The following LRP1B variants were observed in gnomAD, a reference collection of about 807,000 sequenced individuals.
LRP1B encodes LDL receptor related protein 1B.
Under a neutral mutation model 556.6 loss-of-function variants are expected in LRP1B, and 217 were observed. The observed-to-expected ratio is 0.39, with a 90% CI of 0.35 to 0.44. The LOEUF is 0.44. Ranked by LOEUF, LRP1B falls within the 20% of genes least tolerant of loss-of-function variation. LRP1B has a pLI of 1.00. For missense variants in LRP1B, 5,053 were observed against 5,620.8 expected (o/e 0.90, Z 3.23); for synonymous variants, 2,047 against 1,865.8 (o/e 1.10, Z -2.50).
At chr2:140,796,246 G>A (rs2171170) in intron 32 of LRP1B, among the ~76,000 whole-genome samples, 150,182 of 152,138 alleles carry the variant, frequency 0.99, 74,158 homozygotes, top group Middle Eastern at 1. Flanking sequence ...GAAATAGCTG[G>A]TATGGTTTAA....
At chr2:141,287,181 C>T (rs1383354709) in intron 3 of LRP1B, among the ~76,000 whole-genome samples, 1 of 152,068 alleles carries the variant, frequency 6.6e-6, no homozygotes, top group Non-Finnish European at 1.5e-5. Flanking sequence ...TACTTGTTTT[C>T]AATTTTATTA....
intron 62 of LRP1B, among the ~76,000 whole-genome samples, chr2:140,455,937 C>G (rs186341974): frequency 6.6e-6 from 1 of 152,148 alleles, no homozygotes; most frequent in East Asian, 1.9e-4. Flanking sequence ...AACTACCATA[C>G]AGTAGACAAG....
rs534865623 is a variant in LRP1B, at chr2:142,024,623, T to TTG, written c.82+106024_82+106025insCA. ...CATGTCAATAATCAGCTGAAATGTT[T>TTG]TTTTTTTTTTTTGTATTTGTTTTTG... On this transcript the variant is annotated intron_variant, in intron 1 of 90. Transcript: ENST00000389484. Among the ~76,000 whole-genome samples the TTG allele has an allele frequency of 1.9e-3, 289 of 151,356 alleles. 3 individuals carry two copies. Among genetic ancestry groups the TTG allele is most frequent in the African/African-American group, 6.3e-3 (262 of 41,322 alleles).
intron 3 of LRP1B, among the ~76,000 whole-genome samples, chr2:141,257,350 T>C (rs1168850766): frequency 6.6e-6 from 1 of 152,152 alleles, no homozygotes; most frequent in Admixed American, 6.5e-5. Flanking sequence ...GTGTATTCAC[T>C]CAGTGAGTCA....
In LRP1B at chr2:141,383,027, G is replaced by A. The variant is rs150685189; in HGVS notation, c.343+97369C>T. 5.5e-4 allele frequency among the ~76,000 whole-genome samples: 83 copies of A among 152,168 alleles called. 1 individual carries two copies. The East Asian group carries it at 0.016, about 29-fold the overall frequency. ...TACAGTAGTAACTCATAAAATAATAGCAAGAAAACAATCTGATTTTAAAAT... is the reference window on the plus strand; with the variant it reads ...TACAGTAGTAACTCATAAAATAATAACAAGAAAACAATCTGATTTTAAAAT... On this transcript the variant is annotated intron_variant, in intron 3 of 90. Transcript: ENST00000389484.
intron 79 of LRP1B, among the ~76,000 whole-genome samples, chr2:140,331,619 C>G (rs1680816269): frequency 6.6e-6 from 1 of 151,266 alleles, no homozygotes; most frequent in East Asian, 2.0e-4. Context: ...ATTGGAGCCC[C>G]TGGCTCAGAG....
intron 86 of LRP1B, among the ~76,000 whole-genome samples, chr2:140,265,359 C>CA (rs1204427296): frequency 1.1e-4 from 16 of 151,878 alleles, no homozygotes; most frequent in East Asian, 3.9e-4. Context: ...CAAATAAATG[C>CA]AAAAAAATCT....
chr2:140,620,955 T>A lies in LRP1B; in HGVS notation c.6800-19316A>T, dbSNP rs538266594. Among the ~76,000 whole-genome samples, 708 of 152,252 alleles carry A rather than the reference T, an allele frequency of 4.7e-3. 10 individuals are homozygous for A. Among genetic ancestry groups the A allele is most frequent in the African/African-American group, 0.016 (660 of 41,550 alleles). ...AATAGCATATATATTAAACAGTTGC[T>A]GGGTTTTCTTTCTATATTAAAATTT... is the stretch of plus-strand genomic sequence containing the variant. On this transcript the variant is annotated intron_variant, in intron 41 of 90. Transcript: ENST00000389484.
intron 41 of LRP1B, among the ~76,000 whole-genome samples, chr2:140,654,830 A>G (rs1198830401): frequency 6.6e-6 from 1 of 152,176 alleles, no homozygotes; most frequent in Non-Finnish European, 1.5e-5. Flanking sequence ...CTAAAGAAAC[A>G]TCTGCTCTCC....
At chr2:141,330,747 CTT>C (rs530844983) in intron 3 of LRP1B, among the ~76,000 whole-genome samples, 1,532 of 107,614 alleles carry the variant, frequency 0.014, 12 homozygotes, top group African/African-American at 0.046. Context: ...GGCTAACAAA[CTT>C]TTTTTTTTTT....
At chr2:140,279,097 CTT>C (rs749490127) in intron 84 of LRP1B, among the ~76,000 whole-genome samples, 7 of 151,926 alleles carry the variant, frequency 4.6e-5, no homozygotes, top group Admixed American at 2.0e-4. Flanking sequence ...CACTCTCTCT[CTT>C]TCTCTCTTTC....
chr2:140,980,100 T>A (rs1696723572), intron 18 of LRP1B, among the ~76,000 whole-genome samples: 2 of 150,462 alleles, frequency 1.3e-5, no homozygotes, highest in Non-Finnish European at 3.0e-5. Context: ...CTAGGCCTAT[T>A]AAAAAAAAAG....
At chr2:141,518,945 C>T (rs1332003977) in intron 2 of LRP1B, among the ~76,000 whole-genome samples, 1 of 151,904 alleles carries the variant, frequency 6.6e-6, no homozygotes, top group Non-Finnish European at 1.5e-5. Flanking sequence ...AGTGAAACTC[C>T]TTCTCAAAAA....
intron 11 of LRP1B, among the ~76,000 whole-genome samples, chr2:141,025,367 T>C (rs1049022373): frequency 3.3e-5 from 5 of 152,236 alleles, no homozygotes; most frequent in Admixed American, 1.3e-4. Flanking sequence ...AAGCATATTG[T>C]GTAGCTAACT....
chr2:141,647,425 C>T (rs539385757), intron 2 of LRP1B, among the ~76,000 whole-genome samples: 22 of 152,166 alleles, frequency 1.4e-4, no homozygotes, highest in African/African-American at 4.8e-4. Context: ...AATTTGTTTC[C>T]ACAGTTTAAG....
chr2:141,190,761 G>A (rs1357415543), intron 6 of LRP1B, among the ~76,000 whole-genome samples: 1 of 151,836 alleles, frequency 6.6e-6, no homozygotes, highest in Non-Finnish European at 1.5e-5. Flanking sequence ...CTCGAACTTA[G>A]AATGAATCTA....
At chr2:140,966,104 G>C (rs961576330) in intron 18 of LRP1B, among the ~76,000 whole-genome samples, 10 of 152,154 alleles carry the variant, frequency 6.6e-5, no homozygotes, top group Non-Finnish European at 1.5e-4. Flanking sequence ...GGTATTTCTA[G>C]TTCTAGATCC....
chr2:141,142,845 T>C (rs1701687654), intron 7 of LRP1B, among the ~76,000 whole-genome samples: 1 of 151,636 alleles, frequency 6.6e-6, no homozygotes, highest in South Asian at 2.1e-4. Context: ...AATCAATACA[T>C]TCATCAATGT....
intron 72 of LRP1B, among the ~76,000 whole-genome samples, chr2:140,362,255 T>C (rs563215613): frequency 1.3e-5 from 2 of 151,750 alleles, no homozygotes; most frequent in East Asian, 1.9e-4. Context: ...GTATTTCCAA[T>C]TACTTTCCAG....
Sources: gnomAD v4.1 joint callset for allele counts (sites outside exome capture counted in the v4.1 genomes callset) on GRCh38, gnomAD v4.1.1 for gene constraint, MANE v1.5 for transcripts, NCBI Gene and HGNC (gene_info 2026-07-23, HGNC 2026-07-21) for gene names.